Variants in SUMF1 observed in about 807,000 individuals in gnomAD.
SUMF1 encodes sulfatase modifying factor 1, also known as formylglycine-generating enzyme.
Under a neutral mutation model 47.6 loss-of-function variants are expected in SUMF1, and 48 were observed. The ratio of observed to expected loss-of-function variants is 1.01; its 90% CI spans 0.80 to 1.28. SUMF1 has a LOEUF of 1.28. Ranked by LOEUF, SUMF1 falls within the 50% of genes most tolerant of loss-of-function variation. SUMF1 has a pLI of 0.00. For synonymous variants in SUMF1, 230 were observed against 192.1 expected (o/e 1.20, Z -1.63); for missense variants, 571 against 485.4 (o/e 1.18, Z -1.66).
At chr3:4,179,263 T>C (rs1695039429) in intron 8 of SUMF1, among the ~76,000 whole-genome samples, 1 of 152,112 alleles carries the variant, frequency 6.6e-6, no homozygotes, top group African/African-American at 2.4e-5. Flanking sequence ...GCTGGAGGCA[T>C]CACGCTACCT....
rs1240829662 is a variant in SUMF1, at chr3:4,276,288, A to T, written c.1014+100042T>A. ...GGCTATAAGGCAGCACATTATGAAT[A>T]TGCATGTTGATTTAAATGAAGAAAT... On this transcript the variant is annotated intron_variant and NMD_transcript_variant, in intron 8 of 12. Coordinates refer to the SUMF1 transcript ENST00000448413. Among the ~76,000 whole-genome samples, 3 of 152,216 alleles carry T rather than the reference A, an allele frequency of 2.0e-5. No individual in the cohort carries two copies. In the East Asian group the frequency reaches 5.8e-4, roughly 29 times the overall value.
At chr3:4,135,836 C>G (rs1018877167) in intron 8 of SUMF1, among the ~76,000 whole-genome samples, 3 of 152,116 alleles carry the variant, frequency 2.0e-5, no homozygotes, top group Non-Finnish European at 4.4e-5. Context: ...CAATAACAGA[C>G]AAACAGAGAG....
intron 8 of SUMF1, among the ~76,000 whole-genome samples, chr3:4,220,965 G>T (rs550721479): frequency 3.0e-4 from 45 of 152,174 alleles, no homozygotes; most frequent in African/African-American, 1.1e-3. Context: ...TACAGCAGTG[G>T]AACTATAAAT....
At chr3:4,101,716 G>C (rs1693037132) in intron 8 of SUMF1, among the ~76,000 whole-genome samples, 2 of 152,134 alleles carry the variant, frequency 1.3e-5, no homozygotes, top group South Asian at 2.1e-4. Context: ...TTGTTTCATA[G>C]AGCTATAGTT....
At chr3:4,324,321 A>G (rs1055023389) in intron 8 of SUMF1, among the ~76,000 whole-genome samples, 3 of 152,220 alleles carry the variant, frequency 2.0e-5, no homozygotes, top group African/African-American at 7.2e-5. Context: ...TTTTTATAAT[A>G]TAGACCAAAA....
downstream of SUMF1, among the ~76,000 whole-genome samples, chr3:4,359,698 AACTC>A (rs1204519367): frequency 6.6e-6 from 1 of 152,118 alleles, no homozygotes; most frequent in East Asian, 1.9e-4. Context: ...AACTAGTGAG[AACTC>A]ACTCACTATC....
In SUMF1 at chr3:4,467,241, G is replaced by A. The variant is rs764156609; in HGVS notation, c.5C>T (p.Ala2Val). The A allele has an allele frequency of 4.4e-6, 7 of 1,608,392 alleles. No individual in the cohort carries two copies. The Admixed American group carries it at 8.4e-5, about 19-fold the overall frequency. M[A>V]APALGLVCGR... Reference sequence around the variant, plus strand: ...ACACACCAGCCCTAGTGCGGGCGCAGCCATGTTGTCCCGCGGGCCATGTGA... The same window carrying A: ...ACACACCAGCCCTAGTGCGGGCGCAACCATGTTGTCCCGCGGGCCATGTGA... Residue 2 changes from alanine (A) to valine (V), a missense_variant, in exon 1 of 9, where the codon GCT becomes GTT. Ala to Val is a moderately conservative substitution (Grantham distance 64, BLOSUM62 0). Coordinates refer to ENST00000272902, the MANE Select transcript of SUMF1 (RefSeq NM_182760.4).
At chr3:4,257,060 A>G (rs1696972043) in intron 8 of SUMF1, among the ~76,000 whole-genome samples, 1 of 111,308 alleles carries the variant, frequency 9.0e-6, no homozygotes, top group Non-Finnish European at 1.7e-5. Flanking sequence ...AAATTCAACA[A>G]CCCTTCATGC....
chr3:4,456,478 G>T (rs1397787380), intron 1 of SUMF1, among the ~76,000 whole-genome samples: 1 of 147,186 alleles, frequency 6.8e-6, no homozygotes, highest in African/African-American at 2.5e-5. Context: ...TTGAGACGGA[G>T]TCTTACTCTG....
In SUMF1 at chr3:4,119,086, A is replaced by G. The variant is rs369128795; in HGVS notation, c.1015-50341T>C. Reference sequence around the variant, plus strand: ...AACCCAAATCCACCTAATCTGCTACATTTTTCATTCCAGCTAATGGCCTGA... The same window carrying G: ...AACCCAAATCCACCTAATCTGCTACGTTTTTCATTCCAGCTAATGGCCTGA... On this transcript the variant is annotated intron_variant and NMD_transcript_variant, in intron 8 of 12. Transcript: ENST00000448413. Among the ~76,000 whole-genome samples the G allele has an allele frequency of 1.1e-4, 17 of 152,136 alleles. 3 individuals carry two copies. Among genetic ancestry groups the G allele is most frequent in the East Asian group, 1.9e-4 (1 of 5,176 alleles).
At chr3:4,240,498 A>T (rs1696512374) in intron 8 of SUMF1, among the ~76,000 whole-genome samples, 2 of 124,646 alleles carry the variant, frequency 1.6e-5, no homozygotes, top group Non-Finnish European at 3.2e-5. Flanking sequence ...TTTTGTTTTC[A>T]ATTGCATGCT....
intron 8 of SUMF1, among the ~76,000 whole-genome samples, chr3:4,301,790 G>A (rs1440232207): frequency 6.6e-6 from 1 of 152,198 alleles, no homozygotes; most frequent in Non-Finnish European, 1.5e-5. Flanking sequence ...GGAGCCTGTA[G>A]GACAGAAAAC....
At chr3:4,198,739 C>G (rs1695482612) in intron 8 of SUMF1, among the ~76,000 whole-genome samples, 4 of 152,054 alleles carry the variant, frequency 2.6e-5, no homozygotes, top group Admixed American at 2.6e-4. Flanking sequence ...ACTCAACCCT[C>G]TCCCGCTGAG....
chr3:4,079,006 C>T (rs1692500725), intron 8 of SUMF1, among the ~76,000 whole-genome samples: 3 of 152,066 alleles, frequency 2.0e-5, no homozygotes, highest in Non-Finnish European at 4.4e-5. Context: ...GGGAAGCTCT[C>T]GGTTTTCTCT....
intron 7 of SUMF1, among the ~76,000 whole-genome samples, chr3:4,402,128 G>A (rs1021618776): frequency 1.3e-5 from 2 of 152,146 alleles, no homozygotes; most frequent in Admixed American, 6.6e-5. Context: ...GGCAAGTGGA[G>A]GGCAGCTATG....
intron 8 of SUMF1, among the ~76,000 whole-genome samples, chr3:4,206,037 G>C (rs1021468616): frequency 4.6e-5 from 7 of 151,952 alleles, no homozygotes; most frequent in Non-Finnish European, 8.8e-5. Flanking sequence ...TCTGGTTCAG[G>C]GTGGGTCTAG....
At chr3:4,364,182 T>C (rs1699868770) in intron 8 of SUMF1, among the ~76,000 whole-genome samples, 5 of 142,352 alleles carry the variant, frequency 3.5e-5, no homozygotes, top group Admixed American at 1.5e-4. Context: ...GGTCTAAAAT[T>C]CTCTTTCTTG....
chr3:4,275,258 A>G (rs1199441072), intron 8 of SUMF1, among the ~76,000 whole-genome samples: 1 of 152,176 alleles, frequency 6.6e-6, no homozygotes, highest in Non-Finnish European at 1.5e-5. Flanking sequence ...TGTTGAAATA[A>G]TATGTATTGT....
downstream of SUMF1, among the ~76,000 whole-genome samples, chr3:4,358,193 A>G (rs1699664949): frequency 6.6e-6 from 1 of 152,110 alleles, no homozygotes; most frequent in East Asian, 1.9e-4. Context: ...TTTAAAAAAA[A>G]AGAGATACAC....
Sources: gnomAD v4.1 joint callset for allele counts (sites outside exome capture counted in the v4.1 genomes callset) on GRCh38, gnomAD v4.1.1 for gene constraint, MANE v1.5 for transcripts, NCBI Gene and HGNC (gene_info 2026-07-23, HGNC 2026-07-21) for gene names.